SEMA3E: variants seen among roughly 807,000 people sequenced by gnomAD.
SEMA3E encodes semaphorin-3E.
Under a neutral mutation model 93.6 loss-of-function variants are expected in SEMA3E, and 49 were observed. The observed-to-expected ratio is 0.52, with a 90% CI of 0.42 to 0.66. The LOEUF (loss-of-function observed/expected upper bound fraction) is 0.66, where lower values mean the gene tolerates loss of function less well. Among genes scored for constraint, SEMA3E ranks in the 30% least tolerant of loss-of-function variants. SEMA3E has a pLI of 0.00. For synonymous variants in SEMA3E, 363 were observed against 330.7 expected (o/e 1.10, Z -1.06); for missense variants, 906 against 964.8 (o/e 0.94, Z 0.81).
At chr7:83,528,741 T>G (rs947696237) in intron 1 of SEMA3E, among the ~76,000 whole-genome samples, 10 of 152,046 alleles carry the variant, frequency 6.6e-5, no homozygotes, top group African/African-American at 2.4e-4. Context: ...TTAACATAAT[T>G]AGGGTCTCAA....
intron 4 of SEMA3E, among the ~76,000 whole-genome samples, chr7:83,454,383 G>T (rs1789440317): frequency 6.6e-6 from 1 of 150,604 alleles, no homozygotes; most frequent in Non-Finnish European, 1.5e-5. Flanking sequence ...AGAATTTCAG[G>T]GGTTTAGAAT....
chr7:83,451,143 T>G (rs2115820059), intron 4 of SEMA3E, among the ~76,000 whole-genome samples: 1 of 152,254 alleles, frequency 6.6e-6, no homozygotes, highest in East Asian at 1.9e-4. Flanking sequence ...GAAGGACAGG[T>G]TTGCTTCCAC....
intron 1 of SEMA3E, among the ~76,000 whole-genome samples, chr7:83,505,800 G>A (rs1178550203): frequency 6.6e-6 from 1 of 151,914 alleles, no homozygotes; most frequent in East Asian, 1.9e-4. Flanking sequence ...CAGATCACAA[G>A]GTCAGGAGAT....
chr7:83,562,017 A>ATG (rs1792039840), intron 1 of SEMA3E, among the ~76,000 whole-genome samples: 1 of 152,156 alleles, frequency 6.6e-6, no homozygotes, highest in Admixed American at 6.6e-5. Context: ...TCAGATTCTT[A>ATG]TGTACACAAT....
At chr7:83,564,353 A>G (rs1287388719) in intron 1 of SEMA3E, among the ~76,000 whole-genome samples, 1 of 152,050 alleles carries the variant, frequency 6.6e-6, no homozygotes, top group Non-Finnish European at 1.5e-5. Context: ...TGGGAGGTTG[A>G]AGGTTGCAGT....
intron 1 of SEMA3E, among the ~76,000 whole-genome samples, chr7:83,623,379 G>C (rs529644557): frequency 6.6e-6 from 1 of 152,188 alleles, no homozygotes; most frequent in Admixed American, 6.6e-5. Flanking sequence ...CTTCATAGCA[G>C]ATGAATAAGC....
chr7:83,454,279 A>ACG (rs1789436214), intron 4 of SEMA3E, among the ~76,000 whole-genome samples: 2 of 62,776 alleles, frequency 3.2e-5, no homozygotes, highest in Non-Finnish European at 8.7e-5. Flanking sequence ...AAAAATATAT[A>ACG]TATATATATA....
intron 1 of SEMA3E, among the ~76,000 whole-genome samples, chr7:83,610,808 C>A (rs945100628): frequency 3.3e-5 from 5 of 152,018 alleles, no homozygotes; most frequent in African/African-American, 1.2e-4. Flanking sequence ...CTTCAGAAGA[C>A]ACTAACCCTG....
chr7:83,410,298 T>C (rs1788413043), intron 5 of SEMA3E, among the ~76,000 whole-genome samples: 1 of 152,022 alleles, frequency 6.6e-6, no homozygotes, highest in Non-Finnish European at 1.5e-5. Flanking sequence ...AATTTTAGTT[T>C]TACTTCAAAT....
intron 14 of SEMA3E, among the ~76,000 whole-genome samples, chr7:83,392,168 T>G (rs1788031559): frequency 6.6e-6 from 1 of 152,154 alleles, no homozygotes; most frequent in African/African-American, 2.4e-5. Flanking sequence ...TGCATTTGCC[T>G]AGGAGTTAAA....
chr7:83,642,311 G>GA (rs1562867234), intron 1 of SEMA3E, among the ~76,000 whole-genome samples: 4 of 152,112 alleles, frequency 2.6e-5, no homozygotes, highest in Non-Finnish European at 5.9e-5. Context: ...CCTGAAATAG[G>GA]TGTTAGAACT....
At position 83,373,461 on chromosome 7, in the gene SEMA3E, G is replaced by A. The variant is rs1489578819; in HGVS notation, c.1876-5423C>T. 2.0e-5 allele frequency among the ~76,000 whole-genome samples: 3 copies of A among 151,828 alleles called. No individual in the cohort carries two copies. The East Asian group carries it at 5.8e-4, about 29-fold the overall frequency. ...CAGAAAATATACCTAATATGACAGA[G>A]CATAAAAATAGAAATTTATTTTATT... On this transcript the variant is annotated intron_variant, in intron 16 of 16. Coordinates refer to ENST00000643230, the MANE Select transcript of SEMA3E (RefSeq NM_012431.3).
At chr7:83,480,949 T>A (rs1034818294) in intron 2 of SEMA3E, among the ~76,000 whole-genome samples, 4 of 152,158 alleles carry the variant, frequency 2.6e-5, no homozygotes, top group African/African-American at 9.7e-5. Context: ...AAATTATCTA[T>A]TAATAGATTA....
At chr7:83,539,194 AGGCT>A (rs1791467787) in intron 1 of SEMA3E, among the ~76,000 whole-genome samples, 1 of 152,206 alleles carries the variant, frequency 6.6e-6, no homozygotes, top group Non-Finnish European at 1.5e-5. Context: ...GCCTAGTACC[AGGCT>A]CTGGGAGCCC....
intron 1 of SEMA3E, among the ~76,000 whole-genome samples, chr7:83,630,635 A>G (rs530205457): frequency 1.3e-5 from 2 of 152,214 alleles, no homozygotes; most frequent in Admixed American, 1.3e-4. Context: ...CATTATTGCT[A>G]CAAGAACTGT....
At chr7:83,413,080 A>T (rs2115674212) in intron 5 of SEMA3E, among the ~76,000 whole-genome samples, 1 of 152,302 alleles carries the variant, frequency 6.6e-6, no homozygotes, top group Admixed American at 6.5e-5. Flanking sequence ...CACATTCTTT[A>T]TATTAATTCT....
chr7:83,464,319 G>A (rs1177601118), intron 4 of SEMA3E, among the ~76,000 whole-genome samples: 5 of 151,372 alleles, frequency 3.3e-5, no homozygotes, highest in African/African-American at 7.3e-5. Flanking sequence ...CTGTATAGAC[G>A]CTCCTTTTTA....
chr7:83,486,193 G>A (rs564466752), intron 2 of SEMA3E, among the ~76,000 whole-genome samples: 1 of 152,048 alleles, frequency 6.6e-6, no homozygotes, highest in Non-Finnish European at 1.5e-5. Flanking sequence ...CATTTAGAGG[G>A]TCTGAATCTT....
intron 1 of SEMA3E, among the ~76,000 whole-genome samples, chr7:83,550,285 G>A (rs1011677021): frequency 2.0e-5 from 3 of 152,030 alleles, no homozygotes; most frequent in African/African-American, 7.2e-5. Flanking sequence ...TAATCAAATT[G>A]TTATGATCTT....
Sources: gnomAD v4.1 joint callset for allele counts (sites outside exome capture counted in the v4.1 genomes callset) on GRCh38, gnomAD v4.1.1 for gene constraint, MANE v1.5 for transcripts, NCBI Gene and HGNC (gene_info 2026-07-23, HGNC 2026-07-21) for gene names.